Variants in CLVS1 observed in about 807,000 individuals in gnomAD.
CLVS1 encodes clavesin 1.
A neutral mutation model predicts 33.1 loss-of-function variants in CLVS1; 10 were observed. That is an observed-to-expected ratio of 0.30 (90% CI 0.19 to 0.51). CLVS1 has a LOEUF of 0.51. Ranked by LOEUF, CLVS1 falls within the 20% of genes least tolerant of loss-of-function variation. The pLI, the probability that CLVS1 is intolerant of heterozygous loss-of-function variation, is 0.97. For synonymous variants in CLVS1, 163 were observed against 166.1 expected (o/e 0.98, Z 0.14); for missense variants, 343 against 433.4 (o/e 0.79, Z 1.85).
intron 2 of CLVS1, among the ~76,000 whole-genome samples, chr8:61,374,131 C>T (rs1326893035): frequency 1.3e-5 from 2 of 152,214 alleles, no homozygotes; most frequent in African/African-American, 4.8e-5. Flanking sequence ...ACAAAAAATA[C>T]ACTGTATCCT....
At position 61,152,944 on chromosome 8, in the gene CLVS1, C is replaced by T. The variant is rs555088054; in HGVS notation, c.-152+21084C>T. On this transcript the variant is annotated intron_variant, in intron 2 of 2. Transcript: ENST00000522621. The stretch of plus-strand genomic sequence containing the variant: ...AATCCAAACACTTTCAGAAGGTGGG[C>T]GGATAACCTGAGGAATTCGAGACCA... 3.0e-4 allele frequency among the ~76,000 whole-genome samples: 45 copies of T among 152,052 alleles called. 1 individual carries two copies. Among genetic ancestry groups the T allele is most frequent in the African/African-American group, 9.2e-4 (38 of 41,444 alleles).
chr8:60,992,104 A>T, the CLVS1 span, among the ~76,000 whole-genome samples: 1 of 152,030 alleles, frequency 6.6e-6, no homozygotes, highest in Non-Finnish European at 1.5e-5. Flanking sequence ...CAGCCTTCCC[A>T]TGCCATCCCC....
In CLVS1 at chr8:61,079,550, G is replaced by C. The variant is rs562388233; in HGVS notation, c.-243+22320G>C. ...TCCAGGAACATACTGCCAGGAGCTA[G>C]AAACCATGTTGCTGCCTGGTCCTCC... On this transcript the variant is annotated intron_variant, in intron 1 of 2. Transcript: ENST00000522621. Among the ~76,000 whole-genome samples the C allele has an allele frequency of 3.3e-5, 5 of 152,338 alleles. No homozygotes were observed. The South Asian group carries it at 1.0e-3, about 32-fold the overall frequency.
chr8:61,425,954 A>G (rs1815875955), intron 3 of CLVS1, among the ~76,000 whole-genome samples: 1 of 152,230 alleles, frequency 6.6e-6, no homozygotes, highest in Non-Finnish European at 1.5e-5. Context: ...CTAGAATACC[A>G]TCATCTGATG....
the CLVS1 span, among the ~76,000 whole-genome samples, chr8:61,002,090 T>C: frequency 1.3e-5 from 2 of 152,110 alleles, no homozygotes; most frequent in South Asian, 4.2e-4. Context: ...GCAATCCTTC[T>C]ACCTCACCCT....
At chr8:61,440,409 T>G (rs533181326) in intron 3 of CLVS1, among the ~76,000 whole-genome samples, 1 of 152,352 alleles carries the variant, frequency 6.6e-6, no homozygotes, top group East Asian at 1.9e-4. Context: ...CTTTAAAATG[T>G]TATTAGACTT....
intron 5 of CLVS1, among the ~76,000 whole-genome samples, chr8:61,478,472 A>C (rs1002565794): frequency 3.3e-5 from 5 of 152,252 alleles, no homozygotes; most frequent in Admixed American, 6.5e-5. Flanking sequence ...GTAGGTCTCT[A>C]AGGACTTGCT....
At chr8:61,317,994 A>G (rs1411040897) in intron 2 of CLVS1, among the ~76,000 whole-genome samples, 1 of 152,160 alleles carries the variant, frequency 6.6e-6, no homozygotes, top group Non-Finnish European at 1.5e-5. Context: ...TTGTGGGTTC[A>G]TTTCCCTTCC....
intron 2 of CLVS1, among the ~76,000 whole-genome samples, chr8:61,150,894 G>A (rs529221828): frequency 6.6e-6 from 1 of 152,198 alleles, no homozygotes; most frequent in Non-Finnish European, 1.5e-5. Context: ...ATCGTTCCTG[G>A]CCACAAGCAA....
At chr8:61,351,109 C>G (rs1812438384) in intron 2 of CLVS1, among the ~76,000 whole-genome samples, 1 of 151,896 alleles carries the variant, frequency 6.6e-6, no homozygotes, top group African/African-American at 2.4e-5. Context: ...CCAAAAGATC[C>G]CACATAGTAG....
chr8:61,454,182 C>G lies in CLVS1; in HGVS notation c.672C>G (p.Asn224Lys). Reference protein sequence around the residue: ...PARFGGVHFVNQPWYIHALYT... With the variant: ...PARFGGVHFVKQPWYIHALYT... The stretch of plus-strand genomic sequence containing the variant: ...GCTTTGGAGGAGTCCACTTTGTCAA[C>G]CAGCCCTGGTACATTCATGCCCTCT... Residue 224 changes from asparagine to lysine, a missense_variant, in exon 4 of 6, where the codon AAC becomes AAG. This residue lies in a region of CLVS1 where 166 missense variants were observed against 244.0 expected (regional missense o/e 0.68). Coordinates refer to ENST00000325897, the MANE Select transcript of CLVS1 (RefSeq NM_173519.3). The G allele has an allele frequency of 6.2e-7, 1 of 1,614,114 alleles. No homozygotes were observed. The highest frequency in any genetic ancestry group is 8.5e-7 in the Non-Finnish European group (1 of 1,179,990).
At chr8:61,149,571 A>C (rs866623732) in intron 2 of CLVS1, among the ~76,000 whole-genome samples, 4 of 149,864 alleles carry the variant, frequency 2.7e-5, no homozygotes, top group Non-Finnish European at 5.9e-5. Flanking sequence ...AAAAAAAACA[A>C]AAAACAAAAC....
chr8:61,292,944 C>T (rs184867365), intron 1 of CLVS1, among the ~76,000 whole-genome samples: 50 of 152,290 alleles, frequency 3.3e-4, no homozygotes, highest in African/African-American at 1.2e-3. Context: ...GCAGTCTGTT[C>T]TAATTCTGAC....
intron 2 of CLVS1, among the ~76,000 whole-genome samples, chr8:61,184,686 C>A (rs898803509): frequency 3.9e-5 from 6 of 152,048 alleles, no homozygotes; most frequent in Non-Finnish European, 5.9e-5. Flanking sequence ...ACCATCCCAC[C>A]GCCAAACAAA....
chr8:61,086,604 CTT>C (rs143413994), intron 1 of CLVS1, among the ~76,000 whole-genome samples: 1 of 148,298 alleles, frequency 6.7e-6, no homozygotes, highest in African/African-American at 2.5e-5. Context: ...AAATGGGTTA[CTT>C]TTTTTTTTCA....
At chr8:60,973,579 G>A in the CLVS1 span, among the ~76,000 whole-genome samples, 1 of 152,204 alleles carries the variant, frequency 6.6e-6, no homozygotes, top group Non-Finnish European at 1.5e-5. Context: ...AAGCTTTAAA[G>A]CAGGAATGAA....
At chr8:61,074,382 A>ATG (rs1194205711) in intron 1 of CLVS1, among the ~76,000 whole-genome samples, 2 of 52,208 alleles carry the variant, frequency 3.8e-5, no homozygotes, top group South Asian at 1.0e-3. Context: ...ATATAAGTAT[A>ATG]TGTGTATATA....
intron 2 of CLVS1, among the ~76,000 whole-genome samples, chr8:61,372,497 G>A (rs192919568): frequency 1.6e-3 from 239 of 152,018 alleles, no homozygotes; most frequent in African/African-American, 4.6e-3. Flanking sequence ...TTCTAATTTC[G>A]TCTATTATTT....
chr8:60,978,221 G>A, the CLVS1 span, among the ~76,000 whole-genome samples: 5 of 152,198 alleles, frequency 3.3e-5, no homozygotes, highest in South Asian at 8.3e-4. Flanking sequence ...AAAAGAAAGA[G>A]CACTGGCTAA....
Sources: gnomAD v4.1 joint callset for allele counts (sites outside exome capture counted in the v4.1 genomes callset) on GRCh38, gnomAD v4.1.1 for gene constraint, gnomAD v4.1.1 regional missense constraint, MANE v1.5 for transcripts, NCBI Gene and HGNC (gene_info 2026-07-23, HGNC 2026-07-21) for gene names.